SUMF1: variants seen among roughly 807,000 people sequenced by gnomAD.
SUMF1 encodes formylglycine-generating enzyme.
In SUMF1, 48 loss-of-function variants were observed where a neutral mutation model predicts 47.6. The observed-to-expected ratio is 1.01, with a 90% CI of 0.80 to 1.28. The LOEUF is 1.28. Ranked by LOEUF, SUMF1 falls within the 50% of genes most tolerant of loss-of-function variation. SUMF1 has a pLI of 0.00. For missense variants in SUMF1, 571 were observed against 485.4 expected, an observed-to-expected ratio of 1.18 and a Z score of -1.66; for synonymous variants, 230 against 192.1, an observed-to-expected ratio of 1.20 and a Z score of -1.63.
At chr3:4,035,825 G>A (rs76024451) in intron 9 of SUMF1, among the ~76,000 whole-genome samples, 2,242 of 152,164 alleles carry the variant, frequency 0.015, 39 homozygotes, top group African/African-American at 0.044. Context: ...TGCATAATGC[G>A]GTCTCAATAA....
intron 8 of SUMF1, among the ~76,000 whole-genome samples, chr3:4,323,572 A>T (rs1199444135): frequency 6.6e-6 from 1 of 152,148 alleles, no homozygotes; most frequent in Non-Finnish European, 1.5e-5. Context: ...AAAGAAGAAA[A>T]GGAAGGAAGA....
intron 8 of SUMF1, among the ~76,000 whole-genome samples, chr3:4,258,814 A>C (rs167488): frequency 2.5e-5 from 3 of 120,442 alleles, no homozygotes; most frequent in Admixed American, 8.3e-5. Context: ...ACATGCACAC[A>C]TATGTTTATT....
intron 8 of SUMF1, among the ~76,000 whole-genome samples, chr3:4,372,231 G>A (rs1479719041): frequency 6.6e-6 from 1 of 152,088 alleles, no homozygotes; most frequent in African/African-American, 2.4e-5. Flanking sequence ...AACCTGGGAG[G>A]CGGACATTGC....
rs1476594897 is a variant in SUMF1, at chr3:4,410,847, T to A, written c.954+18A>T. On this transcript the variant is annotated intron_variant, in intron 7 of 8. Coordinates refer to ENST00000272902, the MANE Select transcript of SUMF1 (RefSeq NM_182760.4). ...GATGCCACCATTCCAAGACACATGC[T>A]CTGTGAATAATACTCACTGGGTTAA... is the stretch of plus-strand genomic sequence containing the variant. 3 of 1,608,814 alleles carry A rather than the reference T, an allele frequency of 1.9e-6. No individual in the cohort carries two copies. The highest frequency in any genetic ancestry group is 1.7e-6 in the Non-Finnish European group (2 of 1,175,326).
At chr3:4,319,117 G>A (rs974504428) in intron 8 of SUMF1, among the ~76,000 whole-genome samples, 1 of 152,190 alleles carries the variant, frequency 6.6e-6, no homozygotes, top group African/African-American at 2.4e-5. Flanking sequence ...GCCAAAAGAT[G>A]GCAAGGATGT....
intron 3 of SUMF1, among the ~76,000 whole-genome samples, chr3:4,427,016 T>C (rs999605973): frequency 6.6e-6 from 1 of 152,160 alleles, no homozygotes; most frequent in African/African-American, 2.4e-5. Flanking sequence ...CACCTCTCCC[T>C]GGGGACATAA....
rs114306464 is a variant in SUMF1, at chr3:4,275,423, A to C, written c.1014+100907T>G. On this transcript the variant is annotated intron_variant and NMD_transcript_variant, in intron 8 of 12. Coordinates refer to the SUMF1 transcript ENST00000448413. ...ACTACTTCCAGATATAACATTCAACAGGGCAATGTCAAGAGGCAGAAGAGG... is the reference window on the plus strand; with the variant it reads ...ACTACTTCCAGATATAACATTCAACCGGGCAATGTCAAGAGGCAGAAGAGG... 2.4e-3 allele frequency among the ~76,000 whole-genome samples: 367 copies of C among 152,246 alleles called. 1 individual carries two copies. The highest frequency in any genetic ancestry group is 8.5e-3 in the African/African-American group (352 of 41,546).
chr3:4,214,516 C>T (rs955424105), intron 8 of SUMF1, among the ~76,000 whole-genome samples: 1 of 152,058 alleles, frequency 6.6e-6, no homozygotes, highest in Non-Finnish European at 1.5e-5. Flanking sequence ...CAACAGCAAA[C>T]AAATTCAAAA....
At chr3:4,164,500 G>A (rs2125117145) in intron 8 of SUMF1, among the ~76,000 whole-genome samples, 1 of 152,266 alleles carries the variant, frequency 6.6e-6, no homozygotes, top group Admixed American at 6.5e-5. Context: ...GTGGACATGG[G>A]CGAGGGGGCA....
At chr3:4,133,529 G>A (rs569413209) in intron 8 of SUMF1, among the ~76,000 whole-genome samples, 1 of 152,222 alleles carries the variant, frequency 6.6e-6, no homozygotes, top group South Asian at 2.1e-4. Flanking sequence ...TCAGTGTGCT[G>A]CAAAAGGCAG....
chr3:4,111,246 G>A lies in SUMF1; in HGVS notation c.1015-42501C>T, dbSNP rs572890152. Among the ~76,000 whole-genome samples the A allele has an allele frequency of 4.7e-4, 72 of 151,834 alleles. 1 individual carries two copies. The highest frequency in any genetic ancestry group is 1.2e-3 in the Admixed American group (19 of 15,246). On this transcript the variant is annotated intron_variant and NMD_transcript_variant, in intron 8 of 12. Coordinates refer to the SUMF1 transcript ENST00000448413. ...CTCCATATACTGAGTTTCACTTCCC[G>A]CCAATACTGTATTTTCATTTTCAAT... is the stretch of plus-strand genomic sequence containing the variant.
chr3:4,286,300 A>C (rs1697631429), intron 8 of SUMF1, among the ~76,000 whole-genome samples: 1 of 152,094 alleles, frequency 6.6e-6, no homozygotes, highest in African/African-American at 2.4e-5. Flanking sequence ...TTCCTTTTGC[A>C]TGTTATAAAC....
chr3:4,140,604 C>A (rs1030813851), intron 8 of SUMF1, among the ~76,000 whole-genome samples: 9 of 151,964 alleles, frequency 5.9e-5, no homozygotes, highest in African/African-American at 2.2e-4. Flanking sequence ...TTCATATACT[C>A]CCATGTAATT....
chr3:4,205,417 T>C (rs2125156352), intron 8 of SUMF1, among the ~76,000 whole-genome samples: 1 of 152,306 alleles, frequency 6.6e-6, no homozygotes, highest in South Asian at 2.1e-4. Context: ...GCTTGTCTGG[T>C]GGTCTCTTCA....
At chr3:4,447,152 G>A (rs537402170) in intron 3 of SUMF1, among the ~76,000 whole-genome samples, 1 of 151,738 alleles carries the variant, frequency 6.6e-6, no homozygotes, top group Non-Finnish European at 1.5e-5. Context: ...TTTGTGTTGT[G>A]TGATTTTCTG....
chr3:4,268,488 A>G (rs2125032545), intron 8 of SUMF1, among the ~76,000 whole-genome samples: 1 of 151,050 alleles, frequency 6.6e-6, no homozygotes, highest in Non-Finnish European at 1.5e-5. Flanking sequence ...ATAGTAAAAT[A>G]AAATGTTTTT....
At chr3:4,430,151 A>G (rs1702189014) in intron 3 of SUMF1, among the ~76,000 whole-genome samples, 1 of 152,206 alleles carries the variant, frequency 6.6e-6, no homozygotes, top group East Asian at 1.9e-4. Context: ...ACTTCCCAAC[A>G]GCTGTTTCCT....
At chr3:4,450,229 T>C (rs1182332021) in intron 2 of SUMF1, among the ~76,000 whole-genome samples, 6 of 152,178 alleles carry the variant, frequency 3.9e-5, no homozygotes, top group Admixed American at 3.9e-4. Flanking sequence ...ATACAAGTAG[T>C]TCAAGAGATG....
Position 4,078,989 on chromosome 3 carries a change from T to A in SUMF1, c.1015-10244A>T, listed in dbSNP as rs1692500382. ...ACTTGGCAATGTTTTGCTAAAGATG[T>A]TTTCTCGGGAAGCTCTCGGTTTTCT... On this transcript the variant is annotated intron_variant and NMD_transcript_variant, in intron 8 of 12. Transcript: ENST00000448413. Among the ~76,000 whole-genome samples, 3 of 152,122 alleles carry A rather than the reference T, an allele frequency of 2.0e-5. No individual in the cohort carries two copies. The South Asian group carries it at 6.2e-4, about 32-fold the overall frequency.
Sources: allele counts gnomAD v4.1 joint callset (sites outside exome capture counted in the v4.1 genomes callset), GRCh38; gene constraint gnomAD v4.1.1; transcripts MANE v1.5; gene names NCBI Gene and HGNC (gene_info 2026-07-23, HGNC 2026-07-21).